KPNA5: variants seen among roughly 807,000 people sequenced by gnomAD.
KPNA5 encodes the protein importin subunit alpha-6.
KPNA5 carries 46 observed loss-of-function variants against 71.3 expected under a neutral mutation model. That is an observed-to-expected ratio of 0.65 (90% CI 0.51 to 0.83). The LOEUF (loss-of-function observed/expected upper bound fraction) is 0.83. KPNA5 is among the 40% of genes least tolerant of loss of function. The pLI is 0.00. For missense variants in KPNA5, 547 were observed against 628.3 expected, an observed-to-expected ratio of 0.87 and a Z score of 1.38; for synonymous variants, 207 against 201.4, an observed-to-expected ratio of 1.03 and a Z score of -0.24.
intron 5 of KPNA5, among the ~76,000 whole-genome samples, chr6:116,699,718 G>A (rs528866797): frequency 4.7e-4 from 72 of 152,244 alleles, no homozygotes; most frequent in Admixed American, 1.8e-3. Flanking sequence ...CATGAAATCT[G>A]GTTCCATTCC....
At chr6:116,693,155 C>T (rs369782020) in intron 4 of KPNA5, among the ~76,000 whole-genome samples, 4 of 152,110 alleles carry the variant, frequency 2.6e-5, no homozygotes, top group South Asian at 2.1e-4. Flanking sequence ...TTTGGGTTGG[C>T]TCCAAGTCTT....
At chr6:116,693,758 A>G (rs1402476452) in intron 4 of KPNA5, among the ~76,000 whole-genome samples, 1 of 151,780 alleles carries the variant, frequency 6.6e-6, no homozygotes, top group African/African-American at 2.4e-5. Context: ...CCATTTGTCA[A>G]TTTTGGCTTT....
chr6:116,700,169 A>G (rs1228110581), intron 5 of KPNA5, among the ~76,000 whole-genome samples: 2 of 152,136 alleles, frequency 1.3e-5, no homozygotes, highest in Admixed American at 6.6e-5. Context: ...GCGTGTGTAG[A>G]CAGCACAGTG....
intron 1 of KPNA5, among the ~76,000 whole-genome samples, chr6:116,683,896 CTTTTTTTTTTTTTTT>C (rs140446065): frequency 4.4e-4 from 26 of 59,610 alleles, no homozygotes; most frequent in South Asian, 8.6e-4. Context: ...CGTGCCCGGC[CTTTTTTTTTTTTTTT>C]TTTTTTTTTT....
rs539664992 is a variant in KPNA5 at position 116,741,750 on chromosome 6, G to C, written c.*9427G>C. 3.3e-5 allele frequency: 5 copies of C among 152,432 alleles called. No individual in the cohort carries two copies. Among genetic ancestry groups the C allele is most frequent in the Admixed American group, 3.3e-4 (5 of 15,268 alleles). The allele number at this position is 152,432 out of a possible 1,614,324, so 9.4% of individuals were successfully genotyped here. A position where few individuals can be genotyped will look rare whatever the true frequency, so the allele number is the denominator to read the frequency against. ...AAAAACAACAAAAAAGCGGTGACAGGAAACAGTTAAGGAAATGATTTAACT... is the reference window on the plus strand; with the variant it reads ...AAAAACAACAAAAAAGCGGTGACAGCAAACAGTTAAGGAAATGATTTAACT... On this transcript the variant is annotated 3_prime_UTR_variant, in exon 14 of 14. Transcript: ENST00000368564.
At position 116,732,934 on chromosome 6, in the gene KPNA5, A is replaced by G. The variant is rs1779549361; in HGVS notation, c.*611A>G. 3 of 152,032 alleles carry G rather than the reference A, an allele frequency of 2.0e-5. No individual in the cohort carries two copies. Among genetic ancestry groups the G allele is most frequent in the African/African-American group, 7.2e-5 (3 of 41,556 alleles). 9.4% of individuals were successfully genotyped at this position (152,032 alleles called of 1,614,324 possible). A position where few individuals can be genotyped will look rare whatever the true frequency, so the allele number is the denominator to read the frequency against. On this transcript the variant is annotated 3_prime_UTR_variant, in exon 14 of 14. Transcript: ENST00000368564. ...TTATTTATAAAACAGAAGAAATATT[A>G]TACTGATAATCCATTAAAATGTGGC...
At chr6:116,723,998 C>G (rs1779208547) in intron 9 of KPNA5, among the ~76,000 whole-genome samples, 1 of 152,014 alleles carries the variant, frequency 6.6e-6, no homozygotes, top group African/African-American at 2.4e-5. Flanking sequence ...AGTATATAAC[C>G]TGGGTCTTAA....
chr6:116,722,907 G>A (rs1258278267), intron 9 of KPNA5, among the ~76,000 whole-genome samples: 1 of 151,918 alleles, frequency 6.6e-6, no homozygotes, highest in East Asian at 1.9e-4. Flanking sequence ...TTCTTTTGTC[G>A]AGAAGCCATT....
chr6:116,737,298 G>A lies in KPNA5; in HGVS notation c.*4975G>A, dbSNP rs1036792956. 1.3e-5 allele frequency: 2 copies of A among 151,896 alleles called. No homozygotes were observed. Among genetic ancestry groups the A allele is most frequent in the Admixed American group, 1.3e-4 (2 of 15,190 alleles). The allele number at this position is 151,896 out of a possible 1,614,324, so 9.4% of individuals were successfully genotyped here. On this transcript the variant is annotated 3_prime_UTR_variant, in exon 14 of 14. Transcript: ENST00000368564. ...ACTTAAACTGTTCCTGATCATTGTG[G>A]GCTCCAAAAATTGTTTCCCCTTGTG...
intron 7 of KPNA5, among the ~76,000 whole-genome samples, 166 bp from the exon 8 acceptor site, chr6:116,716,053 T>C (rs1778871597): frequency 6.6e-6 from 1 of 152,174 alleles, no homozygotes; most frequent in African/African-American, 2.4e-5. Context: ...AGAACTGTAA[T>C]ATGCTTATTT....
chr6:116,715,129 A>C (rs1298369284), intron 7 of KPNA5, among the ~76,000 whole-genome samples: 1 of 152,140 alleles, frequency 6.6e-6, no homozygotes. Context: ...AGGGACAAGC[A>C]CCTGGAGTTC....
intron 4 of KPNA5, among the ~76,000 whole-genome samples, chr6:116,697,188 A>G (rs1270817317): frequency 6.6e-6 from 1 of 152,084 alleles, no homozygotes; most frequent in Non-Finnish European, 1.5e-5. Context: ...TTGCAACCCT[A>G]TAATTTTGTT....
At chr6:116,708,366 C>G (rs1778526511) in intron 7 of KPNA5, among the ~76,000 whole-genome samples, 1 of 152,116 alleles carries the variant, frequency 6.6e-6, no homozygotes, top group African/African-American at 2.4e-5. Flanking sequence ...ATTGTCCTAG[C>G]AATGTATGAG....
chr6:116,689,262 C>T (rs1335100192), intron 1 of KPNA5, 58 bp from the exon 2 acceptor site: 7 of 1,552,256 alleles, frequency 4.5e-6, no homozygotes, highest in Non-Finnish European at 6.1e-6. Flanking sequence ...TTAAGTGTCT[C>T]ATGTTGTTTT....
At position 116,740,092 on chromosome 6, in the gene KPNA5, T is replaced by G. The variant is rs1779815323; in HGVS notation, c.*7769T>G. ...AAAATGGGAGAAAATTTTCACAACC[T>G]ACTCATCTGACAAAGGGCTAATATC... On this transcript the variant is annotated 3_prime_UTR_variant, in exon 14 of 14. Coordinates refer to ENST00000368564, the MANE Select transcript of KPNA5 (RefSeq NM_001366306.2). 3.9e-5 allele frequency: 6 copies of G among 151,934 alleles called. No individual in the cohort carries two copies. The highest frequency in any genetic ancestry group is 1.2e-4 in the African/African-American group (5 of 41,456). 9.4% of individuals were successfully genotyped at this position (151,934 alleles called of 1,614,324 possible).
chr6:116,717,073 TAAATA>T (rs1272009119), intron 8 of KPNA5, among the ~76,000 whole-genome samples: 1 of 152,120 alleles, frequency 6.6e-6, no homozygotes, highest in Non-Finnish European at 1.5e-5. Context: ...CGTTAACTCT[TAAATA>T]AAACTGGCTC....
In KPNA5 at chr6:116,734,793, T is replaced by A. The variant is rs1395414211; in HGVS notation, c.*2470T>A. 1 of 151,426 alleles carries A rather than the reference T, an allele frequency of 6.6e-6. No individual in the cohort carries two copies. The highest frequency in any genetic ancestry group is 2.4e-5 in the African/African-American group (1 of 41,342). The allele number at this position is 151,426 out of a possible 1,614,324, so 9.4% of individuals were successfully genotyped here. Reference sequence around the variant, plus strand: ...AAAAAGTGTTTTCAGTAGTCTTCACTGGCCCTTGTGGGAGGAAAAATACTT... The same window carrying A: ...AAAAAGTGTTTTCAGTAGTCTTCACAGGCCCTTGTGGGAGGAAAAATACTT... On this transcript the variant is annotated 3_prime_UTR_variant, in exon 14 of 14. Coordinates refer to ENST00000368564, the MANE Select transcript of KPNA5 (RefSeq NM_001366306.2).
At chr6:116,717,658 A>T (rs1204791179) in intron 8 of KPNA5, among the ~76,000 whole-genome samples, 1 of 152,224 alleles carries the variant, frequency 6.6e-6, no homozygotes, top group Admixed American at 6.5e-5. Context: ...AAGAAAGGAA[A>T]GTACGCTTGG....
At chr6:116,699,209 TTTAG>T (rs1435523069) in intron 5 of KPNA5, among the ~76,000 whole-genome samples, 4 of 152,078 alleles carry the variant, frequency 2.6e-5, no homozygotes, top group Non-Finnish European at 5.9e-5. Context: ...TAAATTATTA[TTTAG>T]TATTATCTAG....
Sources: allele counts gnomAD v4.1 joint callset (sites outside exome capture counted in the v4.1 genomes callset), GRCh38; gene constraint gnomAD v4.1.1; transcripts MANE v1.5; gene names NCBI Gene and HGNC (gene_info 2026-07-23, HGNC 2026-07-21).